PTK2: variants seen among roughly 807,000 people sequenced by gnomAD.
PTK2 encodes the protein protein tyrosine kinase 2, also known as focal adhesion kinase 1.
PTK2 carries 45 observed loss-of-function variants against 150.1 expected under a neutral mutation model. That is an observed-to-expected ratio of 0.30 (90% CI 0.24 to 0.38). The LOEUF (loss-of-function observed/expected upper bound fraction) is 0.38. Among genes scored for constraint, PTK2 ranks in the 10% least tolerant of loss-of-function variants. The pLI is 1.00. For synonymous variants in PTK2, 432 were observed against 449.2 expected (o/e 0.96, Z 0.48); for missense variants, 919 against 1,307.3 (o/e 0.70, Z 4.58).
chr8:140,781,370 G>A (rs1035194106), intron 14 of PTK2, among the ~76,000 whole-genome samples: 9 of 152,132 alleles, frequency 5.9e-5, no homozygotes, highest in African/African-American at 2.2e-4. Flanking sequence ...TGGTTCATAA[G>A]CCAAGTATAC....
intron 31 of PTK2, among the ~76,000 whole-genome samples, chr8:140,663,363 A>C (rs1190315830): frequency 6.6e-6 from 1 of 152,246 alleles, no homozygotes; most frequent in African/African-American, 2.4e-5. Flanking sequence ...ATTTCAAAAT[A>C]AAAAGGACAA....
intron 23 of PTK2, among the ~76,000 whole-genome samples, chr8:140,714,207 G>C (rs1413913439): frequency 6.6e-6 from 1 of 152,084 alleles, no homozygotes; most frequent in Non-Finnish European, 1.5e-5. Flanking sequence ...ACTTAATTTT[G>C]AATCTTGATT....
chr8:140,820,124 G>T (rs2154601939), intron 8 of PTK2, among the ~76,000 whole-genome samples: 2 of 73,968 alleles, frequency 2.7e-5, no homozygotes, highest in East Asian at 3.9e-4. Flanking sequence ...TTTTTAAATA[G>T]GGTCTCACTC....
chr8:140,875,129 C>T (rs1343497249), intron 4 of PTK2, among the ~76,000 whole-genome samples: 1 of 152,174 alleles, frequency 6.6e-6, no homozygotes, highest in African/African-American at 2.4e-5. Flanking sequence ...AAAGCAGTAA[C>T]ATTCAAGCAC....
intron 1 of PTK2, among the ~76,000 whole-genome samples, chr8:140,989,503 T>C (rs1249274982): frequency 6.7e-6 from 1 of 150,194 alleles, no homozygotes; most frequent in Non-Finnish European, 1.5e-5. Flanking sequence ...ATTCTGAATA[T>C]ATACAGAAGC....
chr8:140,701,330 G>A (rs910087815), intron 25 of PTK2, among the ~76,000 whole-genome samples: 1 of 152,130 alleles, frequency 6.6e-6, no homozygotes, highest in Non-Finnish European at 1.5e-5. Context: ...CAATCTAGAA[G>A]TAATAGAAGG....
intron 29 of PTK2, chr8:140,668,784 A>T (rs2093902653): frequency 5.5e-6 from 1 of 180,838 alleles, no homozygotes; most frequent in Admixed American, 5.4e-5. Flanking sequence ...TTTAGACAAA[A>T]TTACCTATTT....
At chr8:140,891,516 A>T (rs1448524451) in intron 2 of PTK2, among the ~76,000 whole-genome samples, 1 of 152,202 alleles carries the variant, frequency 6.6e-6, no homozygotes, top group Non-Finnish European at 1.5e-5. Flanking sequence ...GACACAGATG[A>T]AGACAGGAAA....
At chr8:140,762,324 T>C in intron 15 of PTK2, 44 bp downstream of exon 18, 1 of 1,115,036 alleles carries the variant, frequency 9.0e-7, no homozygotes. Context: ...CTCCACAGGT[T>C]GCAATTGCAA....
chr8:140,733,468 G>C (rs549754377), intron 22 of PTK2, among the ~76,000 whole-genome samples: 2 of 152,292 alleles, frequency 1.3e-5, no homozygotes, highest in African/African-American at 2.4e-5. Context: ...TCATGGTAAA[G>C]GTGGAGAGAT....
intron 10 of PTK2, among the ~76,000 whole-genome samples, chr8:140,804,183 A>G (rs956739151): frequency 2.0e-5 from 3 of 151,952 alleles, no homozygotes; most frequent in Non-Finnish European, 4.4e-5. Context: ...CCATGCCAGG[A>G]GAGTCTATGG....
intron 3 of PTK2, among the ~76,000 whole-genome samples, chr8:140,887,896 T>G (rs1001516282): frequency 6.6e-6 from 1 of 152,182 alleles, no homozygotes; most frequent in Non-Finnish European, 1.5e-5. Context: ...ATTCAAGTGC[T>G]CAACAACTGC....
intron 10 of PTK2, among the ~76,000 whole-genome samples, chr8:140,805,935 A>C (rs971379882): frequency 1.3e-5 from 2 of 152,010 alleles, no homozygotes; most frequent in African/African-American, 4.8e-5. Context: ...ACATGATTTG[A>C]CCCCTGCCTG....
At chr8:140,746,515 C>T in intron 18 of PTK2, 1 of 354,228 alleles carries the variant, frequency 2.8e-6, no homozygotes, top group Admixed American at 4.6e-5. Context: ...CCATCTGCGG[C>T]TACCAATCCT....
intron 8 of PTK2, 129 bp from the exon 9 acceptor site, chr8:140,819,149 T>A (rs1246208130): frequency 2.2e-6 from 2 of 889,128 alleles, no homozygotes; most frequent in Admixed American, 6.6e-5. Context: ...CCAAAAAGTA[T>A]ACTTGTCAAA....
chr8:140,772,661 CA>C (rs1350020949), intron 14 of PTK2, among the ~76,000 whole-genome samples: 8 of 152,086 alleles, frequency 5.3e-5, no homozygotes, highest in African/African-American at 1.7e-4. Context: ...TGTTTATAAG[CA>C]GCACCATGTC....
chr8:140,754,840 G>A (rs1464270307), intron 16 of PTK2, among the ~76,000 whole-genome samples: 1 of 152,168 alleles, frequency 6.6e-6, no homozygotes, highest in Non-Finnish European at 1.5e-5. Context: ...TACAGAGATC[G>A]GACTGCTGGA....
exon 27 of PTK2, chr8:140,686,669 C>A: frequency 3.1e-6 from 5 of 1,613,856 alleles, no homozygotes; most frequent in Non-Finnish European, 4.2e-6. Flanking sequence ...GTCAATACTG[C>A]CTCGAGAGAG....
chr8:140,712,500 G>C (rs984847294), intron 23 of PTK2, among the ~76,000 whole-genome samples: 1 of 152,092 alleles, frequency 6.6e-6, no homozygotes, highest in African/African-American at 2.4e-5. Context: ...AAGGTGAGTT[G>C]CAATGTGGAA....
Sources: allele counts gnomAD v4.1 joint callset (sites outside exome capture counted in the v4.1 genomes callset), GRCh38; gene constraint gnomAD v4.1.1; transcripts MANE v1.5; gene names NCBI Gene and HGNC (gene_info 2026-07-23, HGNC 2026-07-21).